The following COL4A2 variants were observed in gnomAD, a reference collection of about 807,000 sequenced individuals.
COL4A2 encodes the protein collagen alpha-2(IV) chain.
COL4A2 carries 99 observed loss-of-function variants against 200.2 expected under a neutral mutation model. That is an observed-to-expected ratio of 0.49 (90% CI 0.42 to 0.58). The LOEUF (loss-of-function observed/expected upper bound fraction) is 0.58, where lower values mean the gene tolerates loss of function less well. COL4A2 is among the 20% of genes least tolerant of loss of function. The pLI is 0.00. For missense variants in COL4A2, 1,950 were observed against 2,314.1 expected, an observed-to-expected ratio of 0.84 and a Z score of 3.23; for synonymous variants, 897 against 900.6, an observed-to-expected ratio of 1.00 and a Z score of 0.07.
At chr13:110,472,599 G>A (rs1166256363) in intron 28 of COL4A2, among the ~76,000 whole-genome samples, 2 of 152,072 alleles carry the variant, frequency 1.3e-5, no homozygotes, top group Non-Finnish European at 2.9e-5. Flanking sequence ...CCCACAAAAA[G>A]CTATTCTTTG....
rs188910542 is a variant in COL4A2, at chr13:110,503,619, C to A, written c.4138+138C>A. 12 of 718,128 alleles carry A rather than the reference C, an allele frequency of 1.7e-5. No individual in the cohort carries two copies. In the East Asian group the frequency reaches 3.3e-4, roughly 20 times the overall value. The allele number at this position is 718,128 out of a possible 1,614,324, so 44.5% of individuals were successfully genotyped here. On this transcript the variant is annotated intron_variant, in intron 43 of 47. Coordinates refer to ENST00000360467, the MANE Select transcript of COL4A2 (RefSeq NM_001846.4). ...GTAAAGAGCAGGGAGGAAACCAAGG[C>A]TGTGCCTCGGATGTTGTCACAGGAC...
intron 16 of COL4A2, among the ~76,000 whole-genome samples, chr13:110,441,434 G>T (rs1035548195): frequency 6.6e-6 from 1 of 152,164 alleles, no homozygotes; most frequent in African/African-American, 2.4e-5. Context: ...AACCTCCAAT[G>T]ATCATACTGT....
intron 4 of COL4A2, among the ~76,000 whole-genome samples, chr13:110,379,562 G>C (rs566188992): frequency 3.3e-5 from 5 of 152,194 alleles, no homozygotes; most frequent in African/African-American, 1.2e-4. Flanking sequence ...AAGCTGCAAG[G>C]CTCCTCCCTT....
rs201630262 is a variant in COL4A2, at chr13:110,485,716, C to G, written c.3087C>G (p.Pro1029=). The G allele has an allele frequency of 4.3e-6, 7 of 1,613,614 alleles. No homozygotes were observed. The African/African-American group carries it at 9.3e-5, about 22-fold the overall frequency. Residue 1029 remains proline (P), a synonymous_variant, in exon 34 of 48, where the codon CCC becomes CCG. Transcript: ENST00000360467. The part of the protein sequence containing the change: ...LSGIPGLPGR[P]GHIKGVKGDI... The stretch of plus-strand genomic sequence containing the variant: ...GAATCCCTGGGCTGCCTGGGAGGCC[C>G]GGCCACATCAAAGGAGTCAAGGGAG...
intron 3 of COL4A2, among the ~76,000 whole-genome samples, chr13:110,323,807 G>T (rs555252808): frequency 2.6e-5 from 4 of 152,326 alleles, no homozygotes; most frequent in African/African-American, 9.6e-5. Context: ...AGACAGAGCT[G>T]GTGGGAGGAA....
intron 3 of COL4A2, among the ~76,000 whole-genome samples, chr13:110,315,839 C>T (rs1244110759): frequency 6.6e-6 from 1 of 152,208 alleles, no homozygotes; most frequent in Non-Finnish European, 1.5e-5. Context: ...TACAGTGGGC[C>T]CTCAACAGAG....
At chr13:110,422,261 A>C (rs1880281915) in intron 4 of COL4A2, among the ~76,000 whole-genome samples, 1 of 152,202 alleles carries the variant, frequency 6.6e-6, no homozygotes, top group South Asian at 2.1e-4. Flanking sequence ...ATTGAGCACC[A>C]CTGGGAAGGA....
Position 110,462,392 on chromosome 13 carries a change from G to C in COL4A2, c.1776+8G>C, listed in dbSNP as rs1566547728. The C allele has an allele frequency of 6.2e-7, 1 of 1,612,330 alleles. No individual in the cohort carries two copies. On this transcript the variant is annotated splice_region_variant and intron_variant, in intron 24 of 47. Coordinates refer to ENST00000360467, the MANE Select transcript of COL4A2 (RefSeq NM_001846.4). ...GGCCTCCCAGGCCCTCCCGTGAGTAGCCACAAACTGCGGCAGCTCCGTCCT... is the reference window on the plus strand; with the variant it reads ...GGCCTCCCAGGCCCTCCCGTGAGTACCCACAAACTGCGGCAGCTCCGTCCT...
intron 14 of COL4A2, 63 bp downstream of exon 14, chr13:110,438,100 G>C (rs1405495148): frequency 1.1e-5 from 16 of 1,418,980 alleles, no homozygotes; most frequent in Admixed American, 3.5e-5. Context: ...GCTCTGCCAG[G>C]CATGACGGGG....
At position 110,361,525 on chromosome 13, in the gene COL4A2, C is replaced by G. The variant is rs187946693; in HGVS notation, c.180+3973C>G. Among the ~76,000 whole-genome samples, 6 of 152,356 alleles carry G rather than the reference C, an allele frequency of 3.9e-5. No homozygotes were observed. The East Asian group carries it at 1.2e-3, about 29-fold the overall frequency. On this transcript the variant is annotated intron_variant, in intron 4 of 47. Coordinates refer to ENST00000360467, the MANE Select transcript of COL4A2 (RefSeq NM_001846.4). The stretch of plus-strand genomic sequence containing the variant: ...TTATGGGCATGGTACCCCAGTTCAT[C>G]TGTGCGTCACCATGGTGACAGCCAA...
At chr13:110,443,411 G>C (rs1043040152) in intron 16 of COL4A2, among the ~76,000 whole-genome samples, 1 of 152,198 alleles carries the variant, frequency 6.6e-6, no homozygotes, top group Non-Finnish European at 1.5e-5. Context: ...CTTTTCATCT[G>C]TTTGTGTCAG....
chr13:110,511,065 CTGAGA>C (rs1286305345), intron 47 of COL4A2, among the ~76,000 whole-genome samples: 5 of 151,924 alleles, frequency 3.3e-5, no homozygotes, highest in African/African-American at 9.7e-5. Flanking sequence ...GCAAACTGAA[CTGAGA>C]TATTTCTATT....
intron 20 of COL4A2, 43 bp from the exon 21 acceptor site, chr13:110,457,300 C>T (rs201976729): frequency 1.7e-6 from 2 of 1,185,548 alleles, no homozygotes; most frequent in Non-Finnish European, 2.5e-6. Context: ...GGACCCCAGG[C>T]GTCCGTGGGG....
At position 110,317,585 on chromosome 13, in the gene COL4A2, T is replaced by A. The variant is rs192779660; in HGVS notation, c.99+9462T>A. ...CTCATGAACTCTGAAAAGTAAAGGC[T>A]AAGATGACTGCACTCAGGAGAGGCC... On this transcript the variant is annotated intron_variant, in intron 3 of 47. Transcript: ENST00000360467. 4.7e-3 allele frequency among the ~76,000 whole-genome samples: 715 copies of A among 152,228 alleles called. 5 individuals carry two copies. Among genetic ancestry groups the A allele is most frequent in the Middle Eastern group, 0.01 (3 of 294 alleles).
intron 3 of COL4A2, among the ~76,000 whole-genome samples, chr13:110,355,220 G>T (rs1216178704): frequency 6.6e-6 from 1 of 152,072 alleles, no homozygotes; most frequent in Non-Finnish European, 1.5e-5. Context: ...CTCCAGGCAG[G>T]CTGGCAGAGG....
chr13:110,321,711 C>T (rs9521692), intron 3 of COL4A2, among the ~76,000 whole-genome samples: 19,522 of 152,240 alleles, frequency 0.13, 1,562 homozygotes, highest in Non-Finnish European at 0.18. Context: ...ACTTACATTT[C>T]CACGTGGCTG....
At chr13:110,441,547 A>G (rs1881122277) in intron 16 of COL4A2, among the ~76,000 whole-genome samples, 1 of 152,078 alleles carries the variant, frequency 6.6e-6, no homozygotes, top group African/African-American at 2.4e-5. Flanking sequence ...TGATCGGAGT[A>G]CTCCCAAAGG....
At chr13:110,511,864 G>A (rs1884092318) in intron 47 of COL4A2, 70 bp from the exon 48 acceptor site, 2 of 1,607,736 alleles carry the variant, frequency 1.2e-6, no homozygotes, top group African/African-American at 1.3e-5. Context: ...ACAGAAGAGG[G>A]CTATGCCCTG....
chr13:110,383,999 A>T (rs554335851), intron 4 of COL4A2, among the ~76,000 whole-genome samples: 1 of 152,290 alleles, frequency 6.6e-6, no homozygotes, highest in South Asian at 2.1e-4. Flanking sequence ...TGTACAGAGG[A>T]TGGAAGAAGG....
Sources: gnomAD v4.1 joint callset for allele counts (sites outside exome capture counted in the v4.1 genomes callset) on GRCh38, gnomAD v4.1.1 for gene constraint, MANE v1.5 for transcripts, NCBI Gene and HGNC (gene_info 2026-07-23, HGNC 2026-07-21) for gene names.